MAK: variants seen among roughly 807,000 people sequenced by gnomAD.
MAK encodes male germ cell associated kinase.
MAK carries 65 observed loss-of-function variants against 82.6 expected under a neutral mutation model. That is an observed-to-expected ratio of 0.79 (90% CI 0.64 to 0.97). MAK has a LOEUF of 0.97. Among genes scored for constraint, MAK ranks in the 50% least tolerant of loss-of-function variants. MAK has a pLI of 0.00. For synonymous variants in MAK, 250 were observed against 274.2 expected (o/e 0.91, Z 0.87); for missense variants, 703 against 780.2 (o/e 0.90, Z 1.18).
chr6:10,815,752 A>C (rs920623950), intron 4 of MAK, among the ~76,000 whole-genome samples: 1 of 151,824 alleles, frequency 6.6e-6, no homozygotes, highest in Non-Finnish European at 1.5e-5. Flanking sequence ...ATGAGCCATC[A>C]AGCTTGGAGT....
chr6:10,815,945 T>TATATATATATATATATATATATATATAA lies in MAK; in HGVS notation c.278+1904_278+1905insTTATATATATATATATATATATATATAT, dbSNP rs1171616235. On this transcript the variant is annotated intron_variant, in intron 4 of 14. Coordinates refer to ENST00000354489, the MANE Select transcript of MAK (RefSeq NM_001242957.3). The stretch of plus-strand genomic sequence containing the variant: ...ATATATATATATATATATATATATA[T>TATATATATATATATATATATATATATAA]ATGTATGTTTTCTTTTTTGTTTGAG... 2.2e-4 allele frequency among the ~76,000 whole-genome samples: 26 copies of TATATATATATATATATATATATATATAA among 116,834 alleles called. 1 individual carries two copies. Among genetic ancestry groups the TATATATATATATATATATATATATATAA allele is most frequent in the African/African-American group, 9.0e-4 (24 of 26,590 alleles). The allele number at this position is 116,834 out of a possible 152,430, so 76.6% of individuals were successfully genotyped here.
intron 10 of MAK, among the ~76,000 whole-genome samples, chr6:10,789,695 TCA>T (rs1774911613): frequency 6.6e-6 from 1 of 152,244 alleles, no homozygotes; most frequent in South Asian, 2.1e-4. Flanking sequence ...AGTCTCACTC[TCA>T]CTCAGGCTGG....
intron 4 of MAK, among the ~76,000 whole-genome samples, chr6:10,815,913 T>TAC (rs1491573335): frequency 6.7e-3 from 32 of 4,792 alleles, no homozygotes; most frequent in Admixed American, 0.018. Flanking sequence ...CTTTATACAG[T>TAC]ATATATATAT....
At chr6:10,837,642 A>G (rs1421105815) in intron 1 of MAK, among the ~76,000 whole-genome samples, 1 of 152,240 alleles carries the variant, frequency 6.6e-6, no homozygotes, top group Non-Finnish European at 1.5e-5. Flanking sequence ...TCATTAGAAC[A>G]AATGTCTGTT....
chr6:10,775,492 A>C, intron 11 of MAK, 33 bp from the exon 12 acceptor site: 1 of 1,607,044 alleles, frequency 6.2e-7, no homozygotes, highest in Admixed American at 1.7e-5. Context: ...TTCAAAGGTT[A>C]GAGCAGATCA....
chr6:10,788,994 A>G (rs776772880), intron 10 of MAK, among the ~76,000 whole-genome samples: 16 of 152,126 alleles, frequency 1.1e-4, no homozygotes, highest in Non-Finnish European at 1.6e-4. Context: ...TGGCTTGATA[A>G]AATAAGTTTT....
chr6:10,799,482 G>A (rs1775842099), intron 8 of MAK, among the ~76,000 whole-genome samples: 1 of 152,146 alleles, frequency 6.6e-6, no homozygotes, highest in African/African-American at 2.4e-5. Context: ...GGCCAGGTGT[G>A]GTGGCTCACG....
intron 2 of MAK, among the ~76,000 whole-genome samples, chr6:10,821,745 G>A (rs1037374838): frequency 3.7e-4 from 56 of 152,072 alleles, no homozygotes; most frequent in African/African-American, 1.1e-3. Flanking sequence ...TGAGGCAGGC[G>A]GACTGCTTGA....
rs1351247512 is a variant in MAK, at chr6:10,796,307, T to G, written c.834A>C (p.Ala278=). Residue 278 remains alanine (A), a splice_region_variant and synonymous_variant, in exon 9 of 15, where the codon GCA becomes GCC. Transcript: ENST00000354489. ...DPKKRPTASQ[A]LKHPYFQVGQ... Reference sequence around the variant, plus strand: ...CAACTTGAAAATATGGGTGTTTCAATGCCTATAAAAACACAGAGAAAACAA... The same window carrying G: ...CAACTTGAAAATATGGGTGTTTCAAGGCCTATAAAAACACAGAGAAAACAA... The G allele has an allele frequency of 6.2e-7, 1 of 1,611,444 alleles. No homozygotes were observed. The highest frequency in any genetic ancestry group is 2.2e-5 in the East Asian group (1 of 44,876).
chr6:10,823,235 G>A lies in MAK; in HGVS notation c.102-4295C>T, dbSNP rs143056678. Among the ~76,000 whole-genome samples, 393 of 152,206 alleles carry A rather than the reference G, an allele frequency of 2.6e-3. 1 individual carries two copies. The highest frequency in any genetic ancestry group is 4.3e-3 in the Non-Finnish European group (294 of 68,022). On this transcript the variant is annotated intron_variant, in intron 2 of 14. Coordinates refer to ENST00000354489, the MANE Select transcript of MAK (RefSeq NM_001242957.3). Reference sequence around the variant, plus strand: ...TTCAGCTTCTTCTCTGCTTCTCAACGTAATTCTGAACTTGTTTACTTCCTA... The same window carrying A: ...TTCAGCTTCTTCTCTGCTTCTCAACATAATTCTGAACTTGTTTACTTCCTA...
At chr6:10,802,299 T>TCC (rs780717405) in intron 7 of MAK, 55 of 471,680 alleles carry the variant, frequency 1.2e-4, no homozygotes, top group Non-Finnish European at 1.8e-4. Flanking sequence ...TAGCTTTTTT[T>TCC]TGTTTGTTTT....
intron 1 of MAK, among the ~76,000 whole-genome samples, chr6:10,833,870 T>C (rs1432448039): frequency 6.6e-6 from 1 of 152,152 alleles, no homozygotes; most frequent in Non-Finnish European, 1.5e-5. Flanking sequence ...AAGAATAGTT[T>C]TGTAAGTCAT....
Position 10,803,877 on chromosome 6 carries a change from T to G in MAK, c.506A>C (p.Glu169Ala). ...YVSTRWYRAP[E>A]VLLRSSVYSS... ...ATAAACTGAAGATCTCAGTAAAACT[T>G]CAGGGGCACGATACCTATGAAAATA... The change falls in exon 7 of 15, where the codon GAA becomes GCA. Residue 169 changes from glutamate to alanine, a missense_variant. Physicochemically the swap from Glu to Ala is moderately radical, Grantham distance 107. Coordinates refer to ENST00000354489, the MANE Select transcript of MAK (RefSeq NM_001242957.3). 1 of 1,614,026 alleles carries G rather than the reference T, an allele frequency of 6.2e-7. No individual in the cohort carries two copies. Among genetic ancestry groups the G allele is most frequent in the Non-Finnish European group, 8.5e-7 (1 of 1,179,942 alleles).
rs1554187797 is a variant in MAK at position 10,830,156 on chromosome 6, T to TGTGTGTGTGTGTGC, written c.101+391_101+392insGCACACACACACAC. ...GTGTGTGTGTGTGTGTGTGTGTGTG[T>TGTGTGTGTGTGTGC]GCGTGTGCACGTATATATATATATT... On this transcript the variant is annotated intron_variant, in intron 2 of 14. Coordinates refer to ENST00000354489, the MANE Select transcript of MAK (RefSeq NM_001242957.3). Among the ~76,000 whole-genome samples, 3 of 134,028 alleles carry TGTGTGTGTGTGTGC rather than the reference T, an allele frequency of 2.2e-5. 1 individual carries two copies. The highest frequency in any genetic ancestry group is 8.3e-5 in the African/African-American group (3 of 36,202). 87.9% of individuals were successfully genotyped at this position (134,028 alleles called of 152,430 possible). A position where few individuals can be genotyped will look rare whatever the true frequency, so the allele number is the denominator to read the frequency against.
At position 10,793,579 on chromosome 6, in the gene MAK, G is replaced by A. The variant is rs1490627270; in HGVS notation, c.1144-1732C>T. 6.6e-6 allele frequency among the ~76,000 whole-genome samples: 1 copy of A among 152,130 alleles called. No homozygotes were observed. The highest frequency in any genetic ancestry group is 1.5e-5 in the Non-Finnish European group (1 of 68,024). On this transcript the variant is annotated intron_variant, in intron 9 of 14. Transcript: ENST00000354489. The surrounding 1 kb of genome is among the most constrained non-coding windows in gnomAD (Gnocchi z 4.6). ...CAGAGGTACAGAATATGCAATTTAGGAGAAGCATTTGTGAAAAAACAGGTA... is the reference window on the plus strand; with the variant it reads ...CAGAGGTACAGAATATGCAATTTAGAAGAAGCATTTGTGAAAAAACAGGTA...
chr6:10,808,994 T>G, intron 5 of MAK, 52 bp from the exon 6 acceptor site: 13 of 1,409,608 alleles, frequency 9.2e-6, no homozygotes, highest in African/African-American at 1.4e-5. Flanking sequence ...CGTTTAAACA[T>G]AGCTTTATTT....
chr6:10,784,363 C>T, intron 11 of MAK, 61 bp downstream of exon 11: 1 of 1,577,128 alleles, frequency 6.3e-7, no homozygotes, highest in Admixed American at 1.7e-5. Context: ...GATTCCAAGA[C>T]ACTTGAACCT....
chr6:10,814,448 C>T (rs551814812), intron 4 of MAK, among the ~76,000 whole-genome samples: 4 of 143,262 alleles, frequency 2.8e-5, no homozygotes, highest in African/African-American at 5.2e-5. Context: ...GTGGGAGGAT[C>T]GCTTAAGCCC....
chr6:10,784,527 T>C lies in MAK; in HGVS notation c.1362A>G (p.Glu454=). ...VPSGSNHSTG[E]NKSLPAVTSL... ...AAGTAACAGCAGGTAAGCTCTTGTTTTCCCCTGTCGAGTGGTTGGAGCCTG... is the reference window on the plus strand; with the variant it reads ...AAGTAACAGCAGGTAAGCTCTTGTTCTCCCCTGTCGAGTGGTTGGAGCCTG... Residue 454 remains glutamate (E), a synonymous_variant, in exon 11 of 15, where the codon GAA becomes GAG. Transcript: ENST00000354489. 1 of 1,614,190 alleles carries C rather than the reference T, an allele frequency of 6.2e-7. No individual in the cohort carries two copies. The highest frequency in any genetic ancestry group is 8.5e-7 in the Non-Finnish European group (1 of 1,180,034).
Sources: gnomAD v4.1 joint callset for allele counts (sites outside exome capture counted in the v4.1 genomes callset) on GRCh38, gnomAD v4.1.1 for gene constraint, Gnocchi (gnomAD v3.1) non-coding constraint, MANE v1.5 for transcripts, NCBI Gene and HGNC (gene_info 2026-07-23, HGNC 2026-07-21) for gene names.